The following CKMT2 variants were observed in gnomAD, a reference collection of about 807,000 sequenced individuals.
CKMT2 encodes the protein creatine kinase S-type, mitochondrial.
CKMT2 carries 43 observed loss-of-function variants against 48.9 expected under a neutral mutation model. The ratio of observed to expected loss-of-function variants is 0.88; its 90% confidence interval spans 0.69 to 1.13. CKMT2 has a LOEUF of 1.13. Ranked by LOEUF, CKMT2 falls within the 50% of genes most tolerant of loss-of-function variation. The pLI, the probability that CKMT2 is intolerant of heterozygous loss-of-function variation, is 0.00. For missense variants in CKMT2, 472 were observed against 555.4 expected, an observed-to-expected ratio of 0.85 and a Z score of 1.51; for synonymous variants, 206 against 213.0, an observed-to-expected ratio of 0.97 and a Z score of 0.29.
chr5:81,256,909 C>A lies in CKMT2; in HGVS notation c.670-6C>A. 1 of 1,611,680 alleles carries A rather than the reference C, an allele frequency of 6.2e-7. No individual in the cohort carries two copies. The highest frequency in any genetic ancestry group is 8.5e-7 in the Non-Finnish European group (1 of 1,178,126). On this transcript the variant is annotated splice_polypyrimidine_tract_variant and splice_region_variant and intron_variant, in intron 5 of 9. Coordinates refer to ENST00000254035, the MANE Select transcript of CKMT2 (RefSeq NM_001099735.2). ...TCCTCTCTGCTTTATCCCTTTTGGCCTACAGGACCACTTTCTGTTTGATAA... is the reference window on the plus strand; with the variant it reads ...TCCTCTCTGCTTTATCCCTTTTGGCATACAGGACCACTTTCTGTTTGATAA...
At chr5:81,234,424 G>C (rs59230067) in intron 1 of CKMT2, among the ~76,000 whole-genome samples, 2,655 of 152,206 alleles carry the variant, frequency 0.017, 70 homozygotes, top group African/African-American at 0.06. Context: ...TTCTGAACTC[G>C]TGTCCTTGGT....
chr5:81,248,816 A>T (rs1756700640), intron 1 of CKMT2, among the ~76,000 whole-genome samples: 1 of 152,208 alleles, frequency 6.6e-6, no homozygotes, highest in Non-Finnish European at 1.5e-5. Flanking sequence ...GCACACATAA[A>T]CATTCTCAAA....
intron 7 of CKMT2, 89 bp from the exon 8 acceptor site, chr5:81,259,031 T>C: frequency 1.6e-6 from 2 of 1,265,616 alleles, no homozygotes; most frequent in Non-Finnish European, 1.1e-6. Flanking sequence ...CAGAGGAGGG[T>C]ACACATCTCT....
intron 1 of CKMT2, chr5:81,239,047 A>C (rs894247923): frequency 6.6e-6 from 1 of 152,106 alleles, no homozygotes; most frequent in African/African-American, 2.4e-5. Flanking sequence ...TGGATGAAAG[A>C]GCTTCCAGGC....
rs148197790 is a variant in CKMT2, at chr5:81,242,660, G to A, written c.-20-8453G>A. 2.2e-3 allele frequency: 497 copies of A among 226,110 alleles called. 2 individuals carry two copies. Among genetic ancestry groups the A allele is most frequent in the African/African-American group, 0.01 (440 of 43,984 alleles). 14.0% of individuals were successfully genotyped at this position (226,110 alleles called of 1,614,324 possible). A position where few individuals can be genotyped will look rare whatever the true frequency, so the allele number is the denominator to read the frequency against. ...CTGAGATTTGTAGTGAGAAAAAGGC[G>A]TTTATTGCTGGGTGCCAAGCAAGAA... On this transcript the variant is annotated intron_variant, in intron 1 of 9. Transcript: ENST00000254035.
intron 7 of CKMT2, 59 bp from the exon 8 acceptor site, chr5:81,259,061 T>C: frequency 2.6e-6 from 4 of 1,546,770 alleles, no homozygotes; most frequent in Non-Finnish European, 3.5e-6. Context: ...GTTAGGGATG[T>C]GCTGAATGAA....
chr5:81,249,655 T>G (rs1176112577), intron 1 of CKMT2, among the ~76,000 whole-genome samples: 1 of 152,102 alleles, frequency 6.6e-6, no homozygotes, highest in East Asian at 1.9e-4. Context: ...TTTTCTCCAT[T>G]TCAGGCTCTC....
Position 81,257,783 on chromosome 5 carries a change from C to T in CKMT2, c.806C>T (p.Thr269Ile). ...ATCTGGATAAATGAGGAGGATCACACCAGGGTAATCTCAATGGAAAAAGGA... is the reference window on the plus strand; with the variant it reads ...ATCTGGATAAATGAGGAGGATCACATCAGGGTAATCTCAATGGAAAAAGGA... ...FLIWINEEDH[T>I]RVISMEKGGN... Residue 269 changes from threonine (T) to isoleucine (I), a missense_variant, in exon 7 of 10, where the codon ACC becomes ATC. By Grantham distance (89) the Thr-to-Ile change is moderately conservative. Transcript: ENST00000254035. 6.2e-7 allele frequency: 1 copy of T among 1,612,552 alleles called. No homozygotes were observed. Among genetic ancestry groups the T allele is most frequent in the Middle Eastern group, 1.7e-4 (1 of 6,056 alleles).
chr5:81,259,175 G>T lies in CKMT2; in HGVS notation c.935G>T (p.Gly312Val). 6.2e-7 allele frequency: 1 copy of T among 1,614,082 alleles called. No individual in the cohort carries two copies. The highest frequency in any genetic ancestry group is 8.5e-7 in the Non-Finnish European group (1 of 1,179,980). ...GAGTTCATGTGGAATGAGCGCCTAG[G>T]ATACATTTTGACCTGTCCTTCGAAC... ...GWEFMWNERL[G>V]YILTCPSNLG... The change falls in exon 8 of 10, where the codon GGA becomes GTA. Residue 312 changes from glycine (G) to valine (V), a missense_variant. Gly to Val is a moderately radical substitution (Grantham distance 109, BLOSUM62 -3). Coordinates refer to ENST00000254035, the MANE Select transcript of CKMT2 (RefSeq NM_001099735.2).
intron 1 of CKMT2, chr5:81,235,675 A>C (rs1457349022): frequency 1.3e-5 from 2 of 152,244 alleles, no homozygotes; most frequent in Non-Finnish European, 2.9e-5. Flanking sequence ...GAAGAGCATT[A>C]AGACCAGGAT....
At chr5:81,265,988 A>T (rs1757372361) in intron 9 of CKMT2, 151 bp from the exon 10 acceptor site, 5 of 630,768 alleles carry the variant, frequency 7.9e-6, no homozygotes, top group Non-Finnish European at 1.4e-5. Context: ...AGAAACCCTT[A>T]TATCTCTGCC....
At chr5:81,256,468 T>TAATA (rs954691924) in intron 5 of CKMT2, among the ~76,000 whole-genome samples, 2 of 152,232 alleles carry the variant, frequency 1.3e-5, no homozygotes, top group African/African-American at 4.8e-5. Flanking sequence ...TGTACATCTC[T>TAATA]AATACTTTTT....
At chr5:81,260,996 C>T (rs1726002636) in intron 8 of CKMT2, among the ~76,000 whole-genome samples, 1 of 152,182 alleles carries the variant, frequency 6.6e-6, no homozygotes. Flanking sequence ...AATCCAGCAG[C>T]ACATCAAAAA....
In CKMT2 at chr5:81,250,940, AACACACACAC is replaced by A. The variant is rs142418532; in HGVS notation, c.-20-143_-20-134del. ...GAAAAAAGCAAAGCAAGAAATAGAA[AACACACACAC>A]ACACACACACACACACACACACACA... On this transcript the variant is annotated intron_variant, in intron 1 of 9. Coordinates refer to ENST00000254035, the MANE Select transcript of CKMT2 (RefSeq NM_001099735.2). 5.3e-3 allele frequency among the ~76,000 whole-genome samples: 706 copies of A among 133,076 alleles called. 3 individuals carry two copies. The highest frequency in any genetic ancestry group is 7.1e-3 in the African/African-American group (236 of 33,294). The allele number at this position is 133,076 out of a possible 152,430, so 87.3% of individuals were successfully genotyped here.
chr5:81,250,912 G>T, intron 1 of CKMT2: 1 of 302,502 alleles, frequency 3.3e-6, no homozygotes. Flanking sequence ...CAAGCAATAT[G>T]AAGAAAAAAG....
intron 9 of CKMT2, among the ~76,000 whole-genome samples, chr5:81,265,305 C>G (rs1427297985): frequency 6.6e-6 from 1 of 152,166 alleles, no homozygotes; most frequent in African/African-American, 2.4e-5. Flanking sequence ...ATTCAACCCT[C>G]TCTTGGGGCC....
At chr5:81,250,082 A>C (rs532405117) in intron 1 of CKMT2, among the ~76,000 whole-genome samples, 2 of 152,292 alleles carry the variant, frequency 1.3e-5, no homozygotes, top group East Asian at 3.9e-4. Context: ...CTGGGACTTC[A>C]ATTTGATGTG....
chr5:81,236,130 C>T (rs1756236492), intron 1 of CKMT2: 2 of 152,234 alleles, frequency 1.3e-5, no homozygotes, highest in South Asian at 4.1e-4. Flanking sequence ...AGCCTGAGGA[C>T]AGGGAAAGAG....
At chr5:81,261,557 G>T (rs546484058) in intron 8 of CKMT2, among the ~76,000 whole-genome samples, 1 of 151,852 alleles carries the variant, frequency 6.6e-6, no homozygotes, top group South Asian at 2.1e-4. Flanking sequence ...TACACCAATA[G>T]ACAAACAGAG....
Sources: allele counts gnomAD v4.1 joint callset (sites outside exome capture counted in the v4.1 genomes callset), GRCh38; gene constraint gnomAD v4.1.1; transcripts MANE v1.5; gene names NCBI Gene and HGNC (gene_info 2026-07-23, HGNC 2026-07-21).